Variants in SCML2 observed in about 807,000 individuals in gnomAD.
SCML2 encodes the protein sex comb on midleg-like protein 2.
In SCML2, 6 loss-of-function variants were observed where a neutral mutation model predicts 48.4. The observed-to-expected ratio is 0.12, with a 90% CI of 0.07 to 0.24. The LOEUF is 0.24. Among genes scored for constraint, SCML2 ranks in the 10% least tolerant of loss-of-function variants. The pLI is 1.00. For missense variants in SCML2, 377 were observed against 528.2 expected (o/e 0.71, Z 2.81); for synonymous variants, 181 against 189.5 (o/e 0.95, Z 0.37).
At position 18,337,844 on chromosome X, in the gene SCML2, A is replaced by C. The variant is rs987678532; in HGVS notation, c.-24-3749T>G. The stretch of plus-strand genomic sequence containing the variant: ...AAGCTCACATGGAACATTCACTGAG[A>C]TAGACCATATTCTGGGCCATAAAAC... On this transcript the variant is annotated intron_variant, in intron 1 of 14. Coordinates refer to ENST00000251900, the MANE Select transcript of SCML2 (RefSeq NM_006089.3). Among the ~76,000 whole-genome samples, 5 of 111,713 alleles carry C rather than the reference A, an allele frequency of 4.5e-5. No individual in the cohort carries two copies. In the East Asian group the frequency reaches 1.4e-3, roughly 32 times the overall value.
At chrX:18,354,198 C>T (rs1005249605) in intron 1 of SCML2, among the ~76,000 whole-genome samples, 1 of 113,284 alleles carries the variant, frequency 8.8e-6, no homozygotes, top group African/African-American at 3.2e-5. Flanking sequence ...CTACCTCCTT[C>T]CTCCGCCCCG....
In SCML2 at chrX:18,258,033, G is replaced by C. The variant is rs779203296; in HGVS notation, c.1273+11C>G. 2 of 1,175,120 alleles carry C rather than the reference G, an allele frequency of 1.7e-6. No homozygotes were observed. Among genetic ancestry groups the C allele is most frequent in the Non-Finnish European group, 2.3e-6 (2 of 865,979 alleles). The stretch of plus-strand genomic sequence containing the variant: ...AGGGACTGAATTAGACAATGTATTA[G>C]ATAAGTATACCAGTTATCACTTCTC... On this transcript the variant is annotated intron_variant, in intron 10 of 14. Transcript: ENST00000251900.
chrX:18,281,347 A>G (rs746491856), intron 7 of SCML2, among the ~76,000 whole-genome samples: 1 of 112,541 alleles, frequency 8.9e-6, no homozygotes, highest in East Asian at 2.8e-4. Flanking sequence ...GATGCTGCTA[A>G]AACAGTGTTA....
intron 1 of SCML2, among the ~76,000 whole-genome samples, chrX:18,335,997 A>G (rs371423820): frequency 8.9e-6 from 1 of 112,438 alleles, no homozygotes; most frequent in African/African-American, 3.2e-5. Context: ...AGGCAACGGT[A>G]TTCAAAACTG....
At chrX:18,266,357 A>T (rs1927258411) in intron 7 of SCML2, among the ~76,000 whole-genome samples, 1 of 111,571 alleles carries the variant, frequency 9.0e-6, no homozygotes, top group South Asian at 3.8e-4. Flanking sequence ...CTACTAATAA[A>T]GTTTCATATA....
intron 1 of SCML2, among the ~76,000 whole-genome samples, chrX:18,338,162 G>C: frequency 9.0e-6 from 1 of 111,403 alleles, no homozygotes; most frequent in Non-Finnish European, 1.9e-5. Context: ...AAGATGAAAG[G>C]GCCAGGCACG....
Position 18,265,893 on chromosome X carries a change from A to C in SCML2, c.731-91T>G, listed in dbSNP as rs1392789265. On this transcript the variant is annotated intron_variant, in intron 7 of 14. Transcript: ENST00000251900. Reference sequence around the variant, plus strand: ...TCAAAATAAGTTTTACTCGACCTTTAAAACCATTTCCAAAGGTTATTCACT... The same window carrying C: ...TCAAAATAAGTTTTACTCGACCTTTCAAACCATTTCCAAAGGTTATTCACT... 8.1e-6 allele frequency: 5 copies of C among 614,400 alleles called. No individual in the cohort carries two copies. The African/African-American group carries it at 1.1e-4, about 14-fold the overall frequency. The allele number at this position is 614,400 out of a possible 1,213,427, so 50.6% of individuals were successfully genotyped here. A position where few individuals can be genotyped will look rare whatever the true frequency, so the allele number is the denominator to read the frequency against.
intron 2 of SCML2, among the ~76,000 whole-genome samples, chrX:18,333,428 G>A (rs1358018450): frequency 2.7e-5 from 3 of 111,756 alleles, no homozygotes; most frequent in Admixed American, 1.9e-4. Flanking sequence ...TACAAAGAAC[G>A]TACAAATTTG....
chrX:18,262,611 G>A (rs946368546), intron 8 of SCML2, among the ~76,000 whole-genome samples: 1 of 108,536 alleles, frequency 9.2e-6, no homozygotes, highest in African/African-American at 3.5e-5. Context: ...AAAGTGCTGG[G>A]ATTACAGGCG....
At chrX:18,345,572 T>A (rs1048088935) in intron 1 of SCML2, among the ~76,000 whole-genome samples, 2 of 110,425 alleles carry the variant, frequency 1.8e-5, no homozygotes, top group Non-Finnish European at 3.8e-5. Flanking sequence ...TTGTATTTTT[T>A]GTAGTGACAG....
At chrX:18,346,477 C>T (rs5909179) in intron 1 of SCML2, among the ~76,000 whole-genome samples, 29,119 of 111,219 alleles carry the variant, frequency 0.26, 3,194 homozygotes, top group African/African-American at 0.41. Flanking sequence ...AGTTTATCAA[C>T]AGCATAAGAA....
At chrX:18,322,791 G>A (rs1929363675) in intron 5 of SCML2, among the ~76,000 whole-genome samples, 1 of 110,500 alleles carries the variant, frequency 9.0e-6, no homozygotes, top group South Asian at 3.9e-4. Flanking sequence ...CTGCTCGGGA[G>A]GCTGAGGCAG....
intron 6 of SCML2, 137 bp from the exon 7 acceptor site, chrX:18,305,352 T>A (rs1337805250): frequency 1.9e-6 from 1 of 524,822 alleles, no homozygotes; most frequent in African/African-American, 2.4e-5. Context: ...TATCAATTAA[T>A]ACAGGAAGAC....
At chrX:18,346,966 T>G (rs1428712176) in intron 1 of SCML2, among the ~76,000 whole-genome samples, 1 of 111,976 alleles carries the variant, frequency 8.9e-6, no homozygotes, top group Admixed American at 9.5e-5. Context: ...ATACATAATT[T>G]TGTGGAATTG....
In SCML2 at chrX:18,256,949, A is replaced by T. The variant is rs778592411; in HGVS notation, c.1355T>A (p.Phe452Tyr). The T allele has an allele frequency of 1.7e-6, 2 of 1,208,794 alleles. No individual in the cohort carries two copies. The highest frequency in any genetic ancestry group is 3.5e-5 in the South Asian group (2 of 56,498). The change falls in exon 11 of 15, where the codon TTC (phenylalanine) becomes TAC (tyrosine). Residue 452 changes from phenylalanine to tyrosine, a missense_variant. Phe to Tyr is a conservative substitution (Grantham distance 22). Coordinates refer to ENST00000251900, the MANE Select transcript of SCML2 (RefSeq NM_006089.3). ...ASFALRFLEN[F>Y]CHSLQCDNLL... ...GTTATCACACTGCAGACTGTGGCAG[A>T]AGTTCTCAAGAAAGCGAAGAGCAAA...
In SCML2 at chrX:18,304,956, T is replaced by C; in HGVS notation, c.730+16A>G. On this transcript the variant is annotated intron_variant, in intron 7 of 14. Coordinates refer to ENST00000251900, the MANE Select transcript of SCML2 (RefSeq NM_006089.3). ...TTCAATAAAGTAGAAGAAAAAGTAG[T>C]TAATTATTATCTTACCACTAGTTCC... 4.2e-6 allele frequency: 5 copies of C among 1,193,160 alleles called. No individual in the cohort carries two copies. The highest frequency in any genetic ancestry group is 5.6e-6 in the Non-Finnish European group (5 of 887,951).
intron 7 of SCML2, among the ~76,000 whole-genome samples, chrX:18,278,943 C>T (rs1242403382): frequency 7.1e-5 from 8 of 112,827 alleles, no homozygotes; most frequent in Non-Finnish European, 1.3e-4. Flanking sequence ...TGAGCCAGGG[C>T]GGGAGCAGGG....
At position 18,258,644 on chromosome X, in the gene SCML2, T is replaced by G. The variant is rs906694579; in HGVS notation, c.1070-397A>C. ...TACAAGAATTTCCTTTCAAAACGGG[T>G]CATCTTGCTATGCTCTTTTTTGGAC... On this transcript the variant is annotated intron_variant, in intron 9 of 14. Coordinates refer to ENST00000251900, the MANE Select transcript of SCML2 (RefSeq NM_006089.3). 2.7e-5 allele frequency among the ~76,000 whole-genome samples: 3 copies of G among 111,169 alleles called. No homozygotes were observed. In the South Asian group the frequency reaches 1.1e-3, roughly 42 times the overall value.
chrX:18,263,870 C>T (rs2147479796), intron 8 of SCML2, among the ~76,000 whole-genome samples: 1 of 107,750 alleles, frequency 9.3e-6, no homozygotes, highest in South Asian at 4.2e-4. Context: ...CTCTTCTGGC[C>T]TCCATGGCTT....
Sources: gnomAD v4.1 joint callset for allele counts (sites outside exome capture counted in the v4.1 genomes callset) on GRCh38, gnomAD v4.1.1 for gene constraint, MANE v1.5 for transcripts, NCBI Gene and HGNC (gene_info 2026-07-23, HGNC 2026-07-21) for gene names.